TIAM1: variants seen among roughly 807,000 people sequenced by gnomAD.
TIAM1 encodes the protein TIAM Rac1 associated GEF 1, also known as rho guanine nucleotide exchange factor TIAM1.
TIAM1 carries 65 observed loss-of-function variants against 163.5 expected under a neutral mutation model. That is an observed-to-expected ratio of 0.40 (90% CI 0.33 to 0.49). The LOEUF is 0.49. Ranked by LOEUF, TIAM1 falls within the 20% of genes least tolerant of loss-of-function variation. TIAM1 has a pLI of 0.77. For synonymous variants in TIAM1, 833 were observed against 810.1 expected (o/e 1.03, Z -0.48); for missense variants, 1,789 against 2,044.7 (o/e 0.87, Z 2.41).
chr21:31,124,737 A>C, intron 26 of TIAM1, 43 bp from the exon 27 acceptor site: 1 of 1,489,322 alleles, frequency 6.7e-7, no homozygotes, highest in Admixed American at 2.3e-5. Flanking sequence ...TCAGGGCTTA[A>C]CACATGGGGA....
At chr21:31,299,347 C>CT (rs1226576527) in intron 2 of TIAM1, among the ~76,000 whole-genome samples, 2 of 152,210 alleles carry the variant, frequency 1.3e-5, no homozygotes, top group Non-Finnish European at 2.9e-5. Flanking sequence ...CCTTCCATGA[C>CT]ATTTCTGAGA....
At chr21:31,136,490 G>GA (rs11381986) in intron 22 of TIAM1, among the ~76,000 whole-genome samples, 86,268 of 150,570 alleles carry the variant, frequency 0.57, 24,971 homozygotes, top group East Asian at 0.74. Flanking sequence ...AAATTTTAAC[G>GA]AAAAAAAAAA....
At chr21:31,285,478 T>A (rs1471650756) in intron 2 of TIAM1, among the ~76,000 whole-genome samples, 1 of 152,200 alleles carries the variant, frequency 6.6e-6, no homozygotes, top group African/African-American at 2.4e-5. Context: ...ACTCCCCCCA[T>A]GGACTTGCTG....
intron 2 of TIAM1, among the ~76,000 whole-genome samples, chr21:31,330,748 A>T (rs1413841389): frequency 6.6e-6 from 1 of 152,228 alleles, no homozygotes; most frequent in Non-Finnish European, 1.5e-5. Context: ...AGACACACCG[A>T]AAGAGAAATG....
chr21:31,326,091 C>T (rs2075479153), intron 2 of TIAM1, among the ~76,000 whole-genome samples: 1 of 152,202 alleles, frequency 6.6e-6, no homozygotes, highest in African/African-American at 2.4e-5. Context: ...AACTGCTGTG[C>T]ATCTGAACAC....
Position 31,542,723 on chromosome 21 carries a change from T to C in TIAM1, c.-422+16204A>G, listed in dbSNP as rs182955137. ...CAGTAATGCCTGTAATCCCAGCACT[T>C]TGGGAGACTGAGCAGGGCAGATCAC... On this transcript the variant is annotated intron_variant, in intron 1 of 28. Coordinates refer to the TIAM1 transcript ENST00000286827. Among the ~76,000 whole-genome samples, 8 of 152,240 alleles carry C rather than the reference T, an allele frequency of 5.3e-5. No homozygotes were observed. The East Asian group carries it at 1.4e-3, about 26-fold the overall frequency.
intron 2 of TIAM1, among the ~76,000 whole-genome samples, chr21:31,459,973 CTTA>C (rs899365280): frequency 3.9e-5 from 6 of 152,190 alleles, no homozygotes; most frequent in African/African-American, 1.4e-4. Context: ...TTTCCTCATA[CTTA>C]TTATTCCCAG....
chr21:31,441,544 C>T (rs2044417878), intron 2 of TIAM1, among the ~76,000 whole-genome samples: 1 of 152,124 alleles, frequency 6.6e-6, no homozygotes, highest in Admixed American at 6.5e-5. Context: ...ATGGAAGGAG[C>T]CTGGGTCCTG....
intron 25 of TIAM1, among the ~76,000 whole-genome samples, chr21:31,129,912 T>C (rs923671753): frequency 1.1e-4 from 17 of 152,280 alleles, no homozygotes; most frequent in African/African-American, 4.1e-4. Context: ...TGGTAGTCAC[T>C]ATAGTATTAA....
chr21:31,395,661 C>T lies in TIAM1; in HGVS notation c.-368-56239G>A, dbSNP rs1013549909. On this transcript the variant is annotated intron_variant, in intron 2 of 28. Transcript: ENST00000286827. This position sits in a 1 kb window ranked among gnomAD's most constrained non-coding sequence, Gnocchi z 7.5. ...CATGGGGGTAGTAAAAGGTGCTGGA[C>T]GAGAGAATAAATATTGACTAAAACA... is the stretch of plus-strand genomic sequence containing the variant. 3.9e-5 allele frequency among the ~76,000 whole-genome samples: 6 copies of T among 152,106 alleles called. No individual in the cohort carries two copies. The highest frequency in any genetic ancestry group is 5.9e-5 in the Non-Finnish European group (4 of 68,028).
chr21:31,254,144 C>G (rs2071965351), intron 4 of TIAM1, among the ~76,000 whole-genome samples: 1 of 152,214 alleles, frequency 6.6e-6, no homozygotes, highest in Admixed American at 6.5e-5. Context: ...ACACAGGTAA[C>G]ATCCCTATTC....
chr21:31,133,088 C>T (rs147126323), intron 23 of TIAM1, among the ~76,000 whole-genome samples: 30 of 152,292 alleles, frequency 2.0e-4, no homozygotes, highest in Non-Finnish European at 4.0e-4. Context: ...CTGAGGGTAA[C>T]CATGATCCTT....
At chr21:31,553,577 T>C (rs746553274) in intron 1 of TIAM1, among the ~76,000 whole-genome samples, 40 of 152,130 alleles carry the variant, frequency 2.6e-4, no homozygotes, top group Non-Finnish European at 4.7e-4. Flanking sequence ...ATCATTTGCC[T>C]GGAATGCGGC....
chr21:31,163,704 A>G (rs1361382906), intron 16 of TIAM1, among the ~76,000 whole-genome samples: 6 of 152,216 alleles, frequency 3.9e-5, no homozygotes, highest in African/African-American at 1.4e-4. Flanking sequence ...TCATGTTTGA[A>G]AAGCATTTTT....
chr21:31,386,915 C>T (rs2076881631), intron 2 of TIAM1, among the ~76,000 whole-genome samples: 2 of 152,196 alleles, frequency 1.3e-5, no homozygotes, highest in South Asian at 4.1e-4. Flanking sequence ...TTGGTTTCTG[C>T]CTTGGTGTCC....
chr21:31,281,085 C>CAAAAAAAAAAAAAAAA (rs748020575), intron 2 of TIAM1, among the ~76,000 whole-genome samples: 2 of 63,752 alleles, frequency 3.1e-5, no homozygotes, highest in African/African-American at 5.9e-5. Flanking sequence ...GACCCTAACT[C>CAAAAAAAAAAAAAAAA]AAAAAAAAAA....
At chr21:31,412,022 C>T (rs2077367600) in intron 2 of TIAM1, among the ~76,000 whole-genome samples, 1 of 152,178 alleles carries the variant, frequency 6.6e-6, no homozygotes, top group South Asian at 2.1e-4. Flanking sequence ...AGCAACGATA[C>T]AGAATCCACC....
chr21:31,490,697 G>A (rs2046435794), intron 1 of TIAM1, among the ~76,000 whole-genome samples: 1 of 152,218 alleles, frequency 6.6e-6, no homozygotes, highest in African/African-American at 2.4e-5. Context: ...GAAGTAGACT[G>A]GGGAGTTCCA....
chr21:31,290,713 G>C (rs1380281856), intron 2 of TIAM1, among the ~76,000 whole-genome samples: 1 of 143,222 alleles, frequency 7.0e-6, no homozygotes, highest in Non-Finnish European at 1.5e-5. Context: ...TTTTACCAAA[G>C]AGGATCTGTT....
Sources: allele counts gnomAD v4.1 joint callset (sites outside exome capture counted in the v4.1 genomes callset), GRCh38; gene constraint gnomAD v4.1.1; non-coding constraint Gnocchi (gnomAD v3.1); transcripts MANE v1.5; gene names NCBI Gene and HGNC (gene_info 2026-07-23, HGNC 2026-07-21).